The following FAM149A variants were observed in gnomAD, a reference collection of about 807,000 sequenced individuals.
The protein encoded by FAM149A is family with sequence similarity 149 member A.
Under a neutral mutation model 78.2 loss-of-function variants are expected in FAM149A, and 71 were observed. The observed-to-expected ratio is 0.91, with a 90% CI of 0.75 to 1.11. The LOEUF (loss-of-function observed/expected upper bound fraction) is 1.11. Ranked by LOEUF, FAM149A falls within the 50% of genes least tolerant of loss-of-function variation. The probability of loss-of-function intolerance (pLI) is 0.00; values close to 1 mark genes in which losing one functional copy is unlikely to be tolerated. For synonymous variants in FAM149A, 446 were observed against 410.5 expected, an observed-to-expected ratio of 1.09 and a Z score of -1.04; for missense variants, 1,036 against 971.0, an observed-to-expected ratio of 1.07 and a Z score of -0.89.
intron 1 of FAM149A, chr4:186,145,014 T>TG (rs947500977): frequency 4.1e-6 from 4 of 979,958 alleles, no homozygotes; most frequent in Non-Finnish European, 4.8e-6. Flanking sequence ...GCTGTCTGCG[T>TG]GGGGCCCGCG....
intron 1 of FAM149A, chr4:186,123,412 C>G (rs1360137330): frequency 4.1e-6 from 4 of 973,280 alleles, no homozygotes; most frequent in Middle Eastern, 5.2e-4. Flanking sequence ...CTCCCTGGGC[C>G]TTTTGTTCCT....
In FAM149A at chr4:186,162,952, C is replaced by T. The variant is rs775749597; in HGVS notation, c.1679+4C>T. 3.1e-5 allele frequency: 49 copies of T among 1,570,782 alleles called. No individual in the cohort carries two copies. The Middle Eastern group carries it at 5.0e-4, about 16-fold the overall frequency. On this transcript the variant is annotated splice_donor_region_variant and intron_variant, in intron 9 of 13. Coordinates refer to ENST00000389354, the MANE Select transcript of FAM149A (RefSeq NM_001367768.3). ...CCTATTTTGCTGACAGAACGCAGTA[C>T]GTATCAGAATCAGTAGTAGTTACCC...
chr4:186,123,842 AT>A, intron 1 of FAM149A: 1 of 984,424 alleles, frequency 1.0e-6, no homozygotes, highest in Non-Finnish European at 1.2e-6. Context: ...CCAGCATAGA[AT>A]AGTTAAGCAG....
At chr4:186,130,293 C>CTCTCTCTCTCTCTCTCTCTA in intron 1 of FAM149A, 512 of 46,512 alleles carry the variant, frequency 0.011, 4 homozygotes, top group Non-Finnish European at 0.015. Context: ...CTCTCTCTCT[C>CTCTCTCTCTCTCTCTCTCTA]TATATATATA....
At chr4:186,138,244 A>AGTGTGT (rs35301733) in intron 1 of FAM149A, among the ~76,000 whole-genome samples, 5 of 150,966 alleles carry the variant, frequency 3.3e-5, no homozygotes, top group South Asian at 2.1e-4. Flanking sequence ...TTAGTGAGTG[A>AGTGTGT]GTGTGTGTGT....
intron 1 of FAM149A, among the ~76,000 whole-genome samples, chr4:186,130,830 A>C (rs942844039): frequency 6.6e-6 from 1 of 152,198 alleles, no homozygotes; most frequent in Non-Finnish European, 1.5e-5. Flanking sequence ...AGGAGAGTAC[A>C]GTAGACAAGC....
At position 186,173,481 on chromosome 4, in the gene FAM149A, T is replaced by C. The variant is rs557162050; in HGVS notation, c.*1494T>C. Among the ~76,000 whole-genome samples, 2 of 111,912 alleles carry C rather than the reference T, an allele frequency of 1.8e-5. 1 individual carries two copies. The highest frequency in any genetic ancestry group is 5.6e-5 in the African/African-American group (2 of 35,698). The allele number at this position is 111,912 out of a possible 152,430, so 73.4% of individuals were successfully genotyped here. On this transcript the variant is annotated 3_prime_UTR_variant, in exon 14 of 14. Transcript: ENST00000389354. ...GATTCTCCTGCTTCAGCCTCCTGGGTAGCTAGGATTACAGGTGCATGCCAC... is the reference window on the plus strand; with the variant it reads ...GATTCTCCTGCTTCAGCCTCCTGGGCAGCTAGGATTACAGGTGCATGCCAC...
At chr4:186,160,098 C>G (rs547489146) in intron 8 of FAM149A, among the ~76,000 whole-genome samples, 5 of 128,796 alleles carry the variant, frequency 3.9e-5, no homozygotes, top group Admixed American at 8.0e-5. Context: ...ACCACATACA[C>G]ACTACACACA....
Position 186,105,040 on chromosome 4 carries a change from C to T in FAM149A, c.-37C>T. The T allele has an allele frequency of 3.2e-6, 4 of 1,263,196 alleles. No individual in the cohort carries two copies. Among genetic ancestry groups the T allele is most frequent in the Non-Finnish European group, 4.1e-6 (4 of 977,468 alleles). 78.2% of individuals were successfully genotyped at this position (1,263,196 alleles called of 1,614,324 possible). On this transcript the variant is annotated 5_prime_UTR_variant, in exon 1 of 14. Coordinates refer to ENST00000389354, the MANE Select transcript of FAM149A (RefSeq NM_001367768.3). ...GCCGGATCTCCGCGGTCTGAACTCTCGGGCGGCGGCGAGGACGGCGTGTCC... is the reference window on the plus strand; with the variant it reads ...GCCGGATCTCCGCGGTCTGAACTCTTGGGCGGCGGCGAGGACGGCGTGTCC...
Position 186,153,730 on chromosome 4 carries a change from C to T in FAM149A, c.1018C>T (p.Pro340Ser). Residue 340 changes from proline (P) to serine (S), a missense_variant, in exon 5 of 14, where the codon CCC becomes TCC. Around this residue, in one of 3 missense-constraint regions of FAM149A, gnomAD observed 716 missense variants for 711.8 expected, o/e 1.01. Coordinates refer to ENST00000389354, the MANE Select transcript of FAM149A (RefSeq NM_001367768.3). ...CACTCCTGCCTCCGCAGTCCACAGA[C>T]CCCCGCTCAGTGCCTGCGGACACAG... 2 of 1,613,958 alleles carry T rather than the reference C, an allele frequency of 1.2e-6. No homozygotes were observed. Among genetic ancestry groups the T allele is most frequent in the Non-Finnish European group, 1.7e-6 (2 of 1,179,878 alleles).
rs1219776126 is a variant in FAM149A, at chr4:186,144,963, G to A, written c.567-4210G>A. Reference sequence around the variant, plus strand: ...CGGGCGCGGGCGCGGGCGCGGGCGGGTGGGGAGCCCCAGCCCCGGGGCCGC... The same window carrying A: ...CGGGCGCGGGCGCGGGCGCGGGCGGATGGGGAGCCCCAGCCCCGGGGCCGC... On this transcript the variant is annotated intron_variant, in intron 1 of 13. Coordinates refer to ENST00000389354, the MANE Select transcript of FAM149A (RefSeq NM_001367768.3). The surrounding 1 kb of genome is among the most constrained non-coding windows in gnomAD (Gnocchi z 4.2). The A allele has an allele frequency of 1.0e-6, 1 of 977,056 alleles. No individual in the cohort carries two copies. The highest frequency in any genetic ancestry group is 1.8e-5 in the African/African-American group (1 of 56,202). The allele number at this position is 977,056 out of a possible 1,614,324, so 60.5% of individuals were successfully genotyped here. A position where few individuals can be genotyped will look rare whatever the true frequency, so the allele number is the denominator to read the frequency against.
chr4:186,157,005 A>C (rs1374868642), intron 7 of FAM149A, among the ~76,000 whole-genome samples: 1 of 152,188 alleles, frequency 6.6e-6, no homozygotes, highest in East Asian at 1.9e-4. Flanking sequence ...ACACAGATAC[A>C]CAAGAACAAG....
At chr4:186,151,213 C>T (rs186819204) in intron 3 of FAM149A, among the ~76,000 whole-genome samples, 85 of 152,274 alleles carry the variant, frequency 5.6e-4, no homozygotes, top group African/African-American at 2.0e-3. Context: ...CTCTCCCTTA[C>T]GCCCACTCAC....
intron 1 of FAM149A, among the ~76,000 whole-genome samples, chr4:186,128,013 G>A (rs1464548489): frequency 1.2e-4 from 2 of 16,522 alleles, no homozygotes; most frequent in East Asian, 2.3e-3. Flanking sequence ...TTTTTGATAC[G>A]GAGTTTCACT....
At chr4:186,150,522 C>T (rs556217804) in intron 3 of FAM149A, among the ~76,000 whole-genome samples, 72 of 138,092 alleles carry the variant, frequency 5.2e-4, no homozygotes, top group African/African-American at 1.8e-3. Context: ...CGGGTTCACG[C>T]CATTCTCCTG....
intron 4 of FAM149A, among the ~76,000 whole-genome samples, chr4:186,152,605 CGCGATCTCAGCTCACT>C (rs538335245): frequency 7.9e-4 from 101 of 127,836 alleles, no homozygotes; most frequent in African/African-American, 3.0e-3. Flanking sequence ...AGTGCAGTGG[CGCGATCTCAGCTCACT>C]GCAATCTCAG....
At chr4:186,132,050 C>G in intron 1 of FAM149A, 4 of 985,424 alleles carry the variant, frequency 4.1e-6, no homozygotes, top group Non-Finnish European at 4.8e-6. Context: ...ACACAAAACA[C>G]AAAATAGCTC....
intron 1 of FAM149A, among the ~76,000 whole-genome samples, chr4:186,122,178 G>A (rs571173447): frequency 1.2e-3 from 187 of 152,296 alleles, no homozygotes; most frequent in African/African-American, 4.3e-3. Context: ...TGAGATGAAT[G>A]TAGACAGTAG....
chr4:186,127,087 C>G, intron 1 of FAM149A: 1 of 985,346 alleles, frequency 1.0e-6, no homozygotes, highest in Non-Finnish European at 1.2e-6. Context: ...CTGTGTGATT[C>G]TCTGAGAAGC....
Sources: allele counts gnomAD v4.1 joint callset (sites outside exome capture counted in the v4.1 genomes callset), GRCh38; gene constraint gnomAD v4.1.1; regional missense constraint gnomAD v4.1.1; non-coding constraint Gnocchi (gnomAD v3.1); transcripts MANE v1.5; gene names NCBI Gene and HGNC (gene_info 2026-07-23, HGNC 2026-07-21).